ALK: variants seen among roughly 807,000 people sequenced by gnomAD.
ALK encodes the protein ALK tyrosine kinase receptor.
A neutral mutation model predicts 163.1 loss-of-function variants in ALK; 74 were observed. The observed-to-expected ratio is 0.45, with a 90% CI of 0.38 to 0.55. The LOEUF (loss-of-function observed/expected upper bound fraction) is 0.55, where lower values mean the gene tolerates loss of function less well. Among genes scored for constraint, ALK ranks in the 20% least tolerant of loss-of-function variants. The pLI, the probability that ALK is intolerant of heterozygous loss-of-function variation, is 0.00. For missense variants in ALK, 2,063 were observed against 2,105.3 expected (o/e 0.98, Z 0.39); for synonymous variants, 960 against 843.2 (o/e 1.14, Z -2.40).
At chr2:29,779,589 A>C (rs1681278888) in intron 1 of ALK, among the ~76,000 whole-genome samples, 1 of 152,208 alleles carries the variant, frequency 6.6e-6, no homozygotes, top group African/African-American at 2.4e-5. Context: ...GTGGATGTTT[A>C]GAGAAGTCAC....
intron 1 of ALK, among the ~76,000 whole-genome samples, chr2:29,754,585 G>C (rs1483744793): frequency 6.6e-6 from 1 of 152,064 alleles, no homozygotes; most frequent in Admixed American, 6.5e-5. Flanking sequence ...AGCTACATAG[G>C]AGGCTGAAGT....
At chr2:29,764,060 G>A (rs1182805913) in intron 1 of ALK, among the ~76,000 whole-genome samples, 3 of 152,142 alleles carry the variant, frequency 2.0e-5, no homozygotes, top group Non-Finnish European at 4.4e-5. Flanking sequence ...ACCTCCTGTG[G>A]TCACCCAGAA....
chr2:29,701,277 T>C (rs1399820541), intron 2 of ALK, among the ~76,000 whole-genome samples: 1 of 152,176 alleles, frequency 6.6e-6, no homozygotes, highest in Non-Finnish European at 1.5e-5. Flanking sequence ...TAAATCCTAC[T>C]AGTTTTCTAA....
intron 3 of ALK, among the ~76,000 whole-genome samples, chr2:29,647,366 C>T (rs917822298): frequency 6.6e-6 from 1 of 152,136 alleles, no homozygotes; most frequent in Admixed American, 6.6e-5. Flanking sequence ...TGCATACTGT[C>T]CTGGGCCAGG....
At chr2:29,558,188 T>C (rs1673917385) in intron 3 of ALK, among the ~76,000 whole-genome samples, 1 of 152,252 alleles carries the variant, frequency 6.6e-6, no homozygotes, top group African/African-American at 2.4e-5. Context: ...ACATACTTGT[T>C]TGTTTATGGC....
intron 1 of ALK, among the ~76,000 whole-genome samples, chr2:29,774,167 C>T (rs113197786): frequency 0.012 from 1,794 of 152,252 alleles, 28 homozygotes; most frequent in African/African-American, 0.041. Context: ...AATTAGTGCT[C>T]ATTAAATTTT....
At chr2:29,549,955 A>G (rs1319219166) in intron 3 of ALK, among the ~76,000 whole-genome samples, 1 of 152,162 alleles carries the variant, frequency 6.6e-6, no homozygotes, top group Non-Finnish European at 1.5e-5. Context: ...AGGATTAAGT[A>G]TCTTGCCCTA....
intron 4 of ALK, among the ~76,000 whole-genome samples, chr2:29,525,765 T>G (rs192055010): frequency 2.1e-3 from 251 of 119,764 alleles, no homozygotes; most frequent in African/African-American, 7.8e-3. Flanking sequence ...CACTCCAGCC[T>G]GGGTGACAAG....
chr2:29,299,877 T>A lies in ALK; in HGVS notation c.1648-2820A>T, dbSNP rs546930023. ...GTGGGAAGGGTGTTCCATCTTCATC[T>A]CAAGTCAAGAGAGAATGGTTTTATG... On this transcript the variant is annotated intron_variant, in intron 8 of 28. Coordinates refer to ENST00000389048, the MANE Select transcript of ALK (RefSeq NM_004304.5). Among the ~76,000 whole-genome samples the A allele has an allele frequency of 9.2e-5, 14 of 152,290 alleles. No homozygotes were observed. In the South Asian group the frequency reaches 2.9e-3, roughly 32 times the overall value.
intron 12 of ALK, among the ~76,000 whole-genome samples, chr2:29,248,817 A>G (rs1263644237): frequency 6.6e-6 from 1 of 152,262 alleles, no homozygotes; most frequent in South Asian, 2.1e-4. Flanking sequence ...TAATAAGTGT[A>G]GTTCATCTGG....
In ALK at chr2:29,693,406, T is replaced by TACACACACAC. The variant is rs58588313; in HGVS notation, c.952+1434_952+1443dup. On this transcript the variant is annotated intron_variant, in intron 3 of 28. Coordinates refer to ENST00000389048, the MANE Select transcript of ALK (RefSeq NM_004304.5). ...CACTGTCAGGTTAAGAGCACTCACCTACACACACACACACACACACACACA... is the reference window on the plus strand; with the variant it reads ...CACTGTCAGGTTAAGAGCACTCACCTACACACACACACACACACACACACACACACACACA... Among the ~76,000 whole-genome samples, 649 of 145,260 alleles carry TACACACACAC rather than the reference T, an allele frequency of 4.5e-3. 4 individuals carry two copies. Among genetic ancestry groups the TACACACACAC allele is most frequent in the Middle Eastern group, 7.0e-3 (2 of 286 alleles).
intron 4 of ALK, among the ~76,000 whole-genome samples, chr2:29,518,896 G>A (rs1672741588): frequency 6.6e-6 from 1 of 152,130 alleles, no homozygotes; most frequent in African/African-American, 2.4e-5. Flanking sequence ...TATGATTCTA[G>A]GTGCTTTGTA....
At chr2:29,899,992 G>T (rs1334743406) in intron 1 of ALK, among the ~76,000 whole-genome samples, 1 of 152,184 alleles carries the variant, frequency 6.6e-6, no homozygotes, top group East Asian at 1.9e-4. Context: ...CTGCTTCGTG[G>T]GCTTCATCAT....
rs1321450743 is a variant in ALK, at chr2:29,471,883, A to G, written c.1154+60032T>C. Among the ~76,000 whole-genome samples the G allele has an allele frequency of 2.0e-5, 3 of 152,188 alleles. No individual in the cohort carries two copies. The East Asian group carries it at 5.8e-4, about 29-fold the overall frequency. ...TAGCTTCCTGAGTAGCTGGGATTACAGGTGGTCCCCACCACATCCAGGTAA... is the reference window on the plus strand; with the variant it reads ...TAGCTTCCTGAGTAGCTGGGATTACGGGTGGTCCCCACCACATCCAGGTAA... On this transcript the variant is annotated intron_variant, in intron 4 of 28. Transcript: ENST00000389048.
intron 6 of ALK, among the ~76,000 whole-genome samples, chr2:29,324,182 A>G (rs1315790720): frequency 6.6e-6 from 1 of 152,228 alleles, no homozygotes; most frequent in Non-Finnish European, 1.5e-5. Flanking sequence ...ACATTTGGCA[A>G]TTATGACACC....
At chr2:29,295,502 C>G (rs942241236) in intron 9 of ALK, among the ~76,000 whole-genome samples, 2 of 152,172 alleles carry the variant, frequency 1.3e-5, no homozygotes, top group Admixed American at 6.5e-5. Context: ...CCACTTAAAT[C>G]CATTTGTCCT....
chr2:29,905,648 G>C lies in ALK; in HGVS notation c.667+14345C>G, dbSNP rs376396715. Among the ~76,000 whole-genome samples the C allele has an allele frequency of 1.7e-3, 260 of 150,816 alleles. 5 individuals carry two copies. The South Asian group carries it at 0.043, about 25-fold the overall frequency. On this transcript the variant is annotated intron_variant, in intron 1 of 28. Transcript: ENST00000389048. The stretch of plus-strand genomic sequence containing the variant: ...GAAGGAAGGGAGGGAGAGAGGGAGG[G>C]AAGGAGGGAGACAGAGAAGGAATCC...
intron 4 of ALK, among the ~76,000 whole-genome samples, chr2:29,516,572 A>G (rs1573420498): frequency 1.3e-5 from 2 of 152,270 alleles, no homozygotes; most frequent in East Asian, 3.9e-4. Context: ...GGGGAGGAAT[A>G]GTGGGGAGCC....
At chr2:29,209,984 C>A in intron 24 of ALK, 106 bp from the exon 25 acceptor site, 1 of 874,808 alleles carries the variant, frequency 1.1e-6, no homozygotes, top group Non-Finnish European at 1.9e-6. Flanking sequence ...ATAGTTCCTT[C>A]CCTTCCCTAT....
Sources: gnomAD v4.1 joint callset for allele counts (sites outside exome capture counted in the v4.1 genomes callset) on GRCh38, gnomAD v4.1.1 for gene constraint, MANE v1.5 for transcripts, NCBI Gene and HGNC (gene_info 2026-07-23, HGNC 2026-07-21) for gene names.